SUMO2: variants seen among roughly 807,000 people sequenced by gnomAD.
SUMO2 encodes the protein small ubiquitin like modifier 2.
Under a neutral mutation model 16.0 loss-of-function variants are expected in SUMO2, and 1 was observed. That is an observed-to-expected ratio of 0.06 (90% CI 0.02 to 0.30). The LOEUF is 0.30. Among genes scored for constraint, SUMO2 ranks in the 10% least tolerant of loss-of-function variants. The pLI, the probability that SUMO2 is intolerant of heterozygous loss-of-function variation, is 1.00. For missense variants in SUMO2, 16 were observed against 117.5 expected, an observed-to-expected ratio of 0.14 and a Z score of 3.99; for synonymous variants, 36 against 40.6, an observed-to-expected ratio of 0.89 and a Z score of 0.43.
At chr17:75,177,111 C>T (rs143261404) in intron 2 of SUMO2, among the ~76,000 whole-genome samples, 6 of 149,928 alleles carry the variant, frequency 4.0e-5, no homozygotes, top group Non-Finnish European at 5.9e-5. Flanking sequence ...TGCATGAACC[C>T]GGGAGGTGGA....
At chr17:75,180,956 C>CA in intron 2 of SUMO2, 101 bp downstream of exon 2, 2 of 1,417,574 alleles carry the variant, frequency 1.4e-6, no homozygotes, top group Non-Finnish European at 1.9e-6. Flanking sequence ...TTCATCCCAT[C>CA]AAAAAGTCAC....
Position 75,177,968 on chromosome 17 carries a change from G to T in SUMO2, c.153+3089C>A, listed in dbSNP as rs79815344. On this transcript the variant is annotated intron_variant, in intron 2 of 3. Transcript: ENST00000420826. ...TATGTCACTACACTCCAGTCTGACC[G>T]ACAAAGCGAGACTCCGTCTCAAAAA... 5.7e-3 allele frequency among the ~76,000 whole-genome samples: 626 copies of T among 108,998 alleles called. 8 individuals are homozygous for T. Among genetic ancestry groups the T allele is most frequent in the African/African-American group, 0.021 (604 of 29,416 alleles). The allele number at this position is 108,998 out of a possible 152,430, so 71.5% of individuals were successfully genotyped here.
At chr17:75,169,950 T>C (rs1319333080) in intron 3 of SUMO2, among the ~76,000 whole-genome samples, 2 of 146,352 alleles carry the variant, frequency 1.4e-5, no homozygotes, top group Non-Finnish European at 3.0e-5. Context: ...AGGTCGGGAG[T>C]TCAAGACCAG....
At chr17:75,182,607 G>T in intron 1 of SUMO2, 1 of 339,562 alleles carries the variant, frequency 2.9e-6, no homozygotes, top group Non-Finnish European at 5.1e-6. Flanking sequence ...GCCGGGGGCG[G>T]GAGAGAGCGG....
intron 1 of SUMO2, 62 bp from the exon 2 acceptor site, chr17:75,181,250 G>A: frequency 3.2e-6 from 5 of 1,563,764 alleles, no homozygotes; most frequent in African/African-American, 1.4e-5. Context: ...GTTTTATAAA[G>A]CAGCAGCAGC....
chr17:75,181,736 G>A (rs549367838), intron 1 of SUMO2, among the ~76,000 whole-genome samples: 1 of 151,768 alleles, frequency 6.6e-6, no homozygotes, highest in Non-Finnish European at 1.5e-5. Context: ...GATTCCCCCC[G>A]GAACAGCGGT....
intron 2 of SUMO2, among the ~76,000 whole-genome samples, chr17:75,180,475 G>A (rs935001413): frequency 7.5e-5 from 11 of 146,364 alleles, no homozygotes; most frequent in African/African-American, 2.7e-4. Flanking sequence ...CACTTTGGAA[G>A]GCCGAGGCGG....
At chr17:75,180,970 A>C (rs1457328867) in intron 2 of SUMO2, 87 bp downstream of exon 2, 1 of 1,508,720 alleles carries the variant, frequency 6.6e-7, no homozygotes, top group Non-Finnish European at 9.1e-7. Flanking sequence ...AAGTCACTGT[A>C]ATGTGCTAGT....
At chr17:75,176,044 G>T (rs2074779918) in intron 2 of SUMO2, among the ~76,000 whole-genome samples, 1 of 149,612 alleles carries the variant, frequency 6.7e-6, no homozygotes, top group Non-Finnish European at 1.5e-5. Context: ...ACAAGGAAAT[G>T]AAATTTTTTT....
chr17:75,170,945 G>C (rs549958219), intron 3 of SUMO2, among the ~76,000 whole-genome samples: 1 of 150,346 alleles, frequency 6.7e-6, no homozygotes, highest in African/African-American at 2.4e-5. Context: ...TTCATGTACA[G>C]AAATGAAAAT....
chr17:75,181,520 C>T (rs1035122432), intron 1 of SUMO2, among the ~76,000 whole-genome samples: 20 of 152,066 alleles, frequency 1.3e-4, no homozygotes, highest in Non-Finnish European at 2.5e-4. Flanking sequence ...AAATACTTTA[C>T]CCCCCAAAAA....
chr17:75,177,988 CAAAA>C (rs59613076), intron 2 of SUMO2, among the ~76,000 whole-genome samples: 6 of 66,400 alleles, frequency 9.0e-5, no homozygotes, highest in African/African-American at 4.1e-4. Flanking sequence ...GACTCCGTCT[CAAAA>C]AAAAAAAAAA....
intron 3 of SUMO2, 29 bp downstream of exon 3, chr17:75,174,723 A>C (rs921488441): frequency 6.3e-7 from 1 of 1,596,722 alleles, no homozygotes; most frequent in Non-Finnish European, 8.6e-7. Context: ...ACAAATGGTA[A>C]TTTTTCTAAT....
At chr17:75,176,116 C>T (rs1261188113) in intron 2 of SUMO2, among the ~76,000 whole-genome samples, 5 of 151,418 alleles carry the variant, frequency 3.3e-5, no homozygotes, top group Admixed American at 2.6e-4. Context: ...CTCAGTTCAA[C>T]GCAACCTCCA....
At chr17:75,170,150 A>C (rs1190896433) in intron 3 of SUMO2, among the ~76,000 whole-genome samples, 1 of 151,650 alleles carries the variant, frequency 6.6e-6, no homozygotes, top group Non-Finnish European at 1.5e-5. Context: ...GCATGTGACA[A>C]GAAACTGTCT....
chr17:75,167,529 A>G lies in SUMO2; in HGVS notation c.*810T>C, dbSNP rs1403816381. ...AATTTTTCTGCTAGTATACTTGCAT[A>G]TTAACATGGGACCTAGAGAAACTTT... On this transcript the variant is annotated 3_prime_UTR_variant, in exon 4 of 4. Transcript: ENST00000420826. The G allele has an allele frequency of 6.6e-6, 1 of 152,126 alleles. No individual in the cohort carries two copies. Among genetic ancestry groups the G allele is most frequent in the African/African-American group, 2.4e-5 (1 of 41,446 alleles). 9.4% of individuals were successfully genotyped at this position (152,126 alleles called of 1,614,324 possible). A position where few individuals can be genotyped will look rare whatever the true frequency, so the allele number is the denominator to read the frequency against.
chr17:75,182,595 C>A (rs113286532), intron 1 of SUMO2: 26 of 321,602 alleles, frequency 8.1e-5, no homozygotes, highest in African/African-American at 1.1e-4. Context: ...CACTCGGAGG[C>A]CGCCGGGGGC....
chr17:75,172,767 G>A lies in SUMO2; in HGVS notation c.225+1985C>T, dbSNP rs567964410. ...TGGGATCACAGGCATGAGCCACTGC[G>A]CCCGGCGATGCCTGGCTAATTTTTG... On this transcript the variant is annotated intron_variant, in intron 3 of 3. Coordinates refer to ENST00000420826, the MANE Select transcript of SUMO2 (RefSeq NM_006937.4). Among the ~76,000 whole-genome samples the A allele has an allele frequency of 6.2e-4, 95 of 152,038 alleles. 1 individual carries two copies. The highest frequency in any genetic ancestry group is 8.5e-4 in the Admixed American group (13 of 15,220).
intron 2 of SUMO2, among the ~76,000 whole-genome samples, chr17:75,178,935 A>G (rs117864065): frequency 0.036 from 5,411 of 152,242 alleles, 142 homozygotes; most frequent in Non-Finnish European, 0.054. Flanking sequence ...AGCCTGGGCA[A>G]TAAGAGCAAA....
Sources: gnomAD v4.1 joint callset for allele counts (sites outside exome capture counted in the v4.1 genomes callset) on GRCh38, gnomAD v4.1.1 for gene constraint, MANE v1.5 for transcripts, NCBI Gene and HGNC (gene_info 2026-07-23, HGNC 2026-07-21) for gene names.